CHRM2: variants seen among roughly 807,000 people sequenced by gnomAD.
CHRM2 encodes cholinergic receptor muscarinic 2, also known as muscarinic acetylcholine receptor M2.
A neutral mutation model predicts 25.0 loss-of-function variants in CHRM2; 8 were observed. That is an observed-to-expected ratio of 0.32 (90% CI 0.19 to 0.58). The LOEUF is 0.58. Among genes scored for constraint, CHRM2 ranks in the 20% least tolerant of loss-of-function variants. CHRM2 has a pLI of 0.88. For missense variants in CHRM2, 440 were observed against 567.1 expected (o/e 0.78, Z 2.28); for synonymous variants, 202 against 205.7 (o/e 0.98, Z 0.15).
chr7:136,893,023 T>A (rs896007204), intron 2 of CHRM2, among the ~76,000 whole-genome samples: 1 of 152,156 alleles, frequency 6.6e-6, no homozygotes, highest in Non-Finnish European at 1.5e-5. Flanking sequence ...CTCTCTTCTC[T>A]TGTTCTCTCT....
At chr7:136,954,762 T>C (rs1800621190) in intron 2 of CHRM2, among the ~76,000 whole-genome samples, 1 of 152,182 alleles carries the variant, frequency 6.6e-6, no homozygotes, top group Admixed American at 6.5e-5. Flanking sequence ...CATGGATTCT[T>C]CCATCCTCGT....
intron 2 of CHRM2, among the ~76,000 whole-genome samples, chr7:136,894,938 T>C (rs1053549208): frequency 6.6e-6 from 1 of 152,156 alleles, no homozygotes; most frequent in Non-Finnish European, 1.5e-5. Flanking sequence ...GCACTTCAGC[T>C]TGCTTAAGAG....
At chr7:137,004,107 C>T (rs1804256859) in intron 3 of CHRM2, among the ~76,000 whole-genome samples, 1 of 152,096 alleles carries the variant, frequency 6.6e-6, no homozygotes. Flanking sequence ...AAGGAAAAAC[C>T]ACACTGCCTA....
chr7:136,909,806 T>C (rs894498953), intron 2 of CHRM2, among the ~76,000 whole-genome samples: 2 of 151,960 alleles, frequency 1.3e-5, no homozygotes, highest in African/African-American at 4.8e-5. Context: ...CACAAATTTA[T>C]ATAAATATGC....
chr7:136,909,885 T>G (rs1207894922), intron 2 of CHRM2, among the ~76,000 whole-genome samples: 1 of 151,938 alleles, frequency 6.6e-6, no homozygotes, highest in Non-Finnish European at 1.5e-5. Flanking sequence ...TAAAATCATC[T>G]CGTACTAGTT....
intron 2 of CHRM2, among the ~76,000 whole-genome samples, chr7:136,986,803 T>C (rs1401369246): frequency 6.6e-6 from 1 of 152,216 alleles, no homozygotes; most frequent in Non-Finnish European, 1.5e-5. Flanking sequence ...TCCTTGTCTA[T>C]AGGGACCGTT....
intron 3 of CHRM2, among the ~76,000 whole-genome samples, chr7:137,009,575 A>G (rs543530476): frequency 1.2e-4 from 19 of 152,044 alleles, no homozygotes; most frequent in Non-Finnish European, 2.5e-4. Context: ...GGACTTAGTC[A>G]TATCAGGTCA....
At chr7:136,882,636 A>AAAC (rs1796309905) in intron 2 of CHRM2, among the ~76,000 whole-genome samples, 1 of 152,130 alleles carries the variant, frequency 6.6e-6, no homozygotes, top group Non-Finnish European at 1.5e-5. Context: ...TAGCTCAAAG[A>AAAC]AACTCTTTCT....
chr7:137,002,597 T>C (rs1041989949), intron 3 of CHRM2, among the ~76,000 whole-genome samples: 1 of 152,198 alleles, frequency 6.6e-6, no homozygotes, highest in Non-Finnish European at 1.5e-5. Context: ...AAGTTTTAAA[T>C]TGACATTTCT....
At chr7:136,896,451 G>C (rs971007108) in intron 2 of CHRM2, among the ~76,000 whole-genome samples, 2 of 152,084 alleles carry the variant, frequency 1.3e-5, no homozygotes, top group East Asian at 3.9e-4. Flanking sequence ...ATTTTTTCTA[G>C]GTGGAATGTA....
intron 2 of CHRM2, among the ~76,000 whole-genome samples, chr7:136,918,333 G>A (rs1032703418): frequency 1.3e-5 from 2 of 151,998 alleles, no homozygotes; most frequent in African/African-American, 2.4e-5. Context: ...ATGAAATTGT[G>A]ACTTAAAATT....
intron 3 of CHRM2, among the ~76,000 whole-genome samples, chr7:137,008,091 G>C (rs930180296): frequency 6.6e-6 from 1 of 151,944 alleles, no homozygotes; most frequent in Non-Finnish European, 1.5e-5. Context: ...AATATAGCTG[G>C]AATGTCATTC....
rs1303596283 is a variant in CHRM2, at chr7:137,018,625, C to G, written c.*2359C>G. ...GATTCAGGGTCTTTTTTTGTTTGCT[C>G]TAATAATCCAACGCACCATGAATCA... On this transcript the variant is annotated 3_prime_UTR_variant, in exon 4 of 4. Coordinates refer to ENST00000680005, the MANE Select transcript of CHRM2 (RefSeq NM_001006630.2). 6.6e-6 allele frequency: 1 copy of G among 151,736 alleles called. No homozygotes were observed. The highest frequency in any genetic ancestry group is 1.5e-5 in the Non-Finnish European group (1 of 67,860). The allele number at this position is 151,736 out of a possible 1,614,324, so 9.4% of individuals were successfully genotyped here.
chr7:137,019,185 GC>G lies in CHRM2; in HGVS notation c.*2920del, dbSNP rs1275274558. ...CTCTTATTAGTGGGAAAATAACCCTGCATTATTTTTAGAATATCAATGCAAA... is the reference window on the plus strand; with the variant it reads ...CTCTTATTAGTGGGAAAATAACCCTGATTATTTTTAGAATATCAATGCAAA... On this transcript the variant is annotated 3_prime_UTR_variant, in exon 4 of 4. Coordinates refer to ENST00000680005, the MANE Select transcript of CHRM2 (RefSeq NM_001006630.2). 6.6e-6 allele frequency: 1 copy of G among 151,828 alleles called. No homozygotes were observed. The allele number at this position is 151,828 out of a possible 1,614,324, so 9.4% of individuals were successfully genotyped here. A position where few individuals can be genotyped will look rare whatever the true frequency, so the allele number is the denominator to read the frequency against.
At chr7:136,925,628 A>C (rs540340888) in intron 2 of CHRM2, among the ~76,000 whole-genome samples, 1 of 152,222 alleles carries the variant, frequency 6.6e-6, no homozygotes, top group Non-Finnish European at 1.5e-5. Context: ...CATGTAAGTA[A>C]GAGAGGATCC....
intron 2 of CHRM2, among the ~76,000 whole-genome samples, chr7:136,950,771 T>C (rs1425078275): frequency 6.6e-6 from 1 of 151,688 alleles, no homozygotes; most frequent in Non-Finnish European, 1.5e-5. Context: ...CAGAATAGCA[T>C]GAACCCCCAA....
intron 2 of CHRM2, among the ~76,000 whole-genome samples, chr7:136,986,269 A>G (rs959983693): frequency 1.3e-5 from 2 of 152,186 alleles, no homozygotes; most frequent in East Asian, 1.9e-4. Context: ...TTAAATAAGT[A>G]TTCATCATCT....
chr7:137,015,419 C>T lies in CHRM2; in HGVS notation c.554C>T (p.Ala185Val). 6.2e-7 allele frequency: 1 copy of T among 1,613,458 alleles called. No individual in the cohort carries two copies. The highest frequency in any genetic ancestry group is 8.5e-7 in the Non-Finnish European group (1 of 1,179,642). ...ECYIQFFSNAAVTFGTAIAAF... is the reference protein window; with the variant it reads ...ECYIQFFSNAVVTFGTAIAAF... ...TACATTCAGTTTTTTTCCAATGCTG[C>T]TGTCACCTTTGGTACGGCTATTGCA... Residue 185 changes from alanine (A) to valine (V), a missense_variant, in exon 4 of 4, where the codon GCT (alanine) becomes GTT (valine). Physicochemically the swap from Ala to Val is moderately conservative, Grantham distance 64. Around this residue, in one of 5 missense-constraint regions of CHRM2, gnomAD observed 261 missense variants for 261.8 expected, o/e 1.00. Coordinates refer to ENST00000680005, the MANE Select transcript of CHRM2 (RefSeq NM_001006630.2). This position sits in a 1 kb window ranked among gnomAD's most constrained non-coding sequence, Gnocchi z 5.1.
At chr7:136,882,853 A>C (rs1359285368) in intron 2 of CHRM2, among the ~76,000 whole-genome samples, 1 of 152,140 alleles carries the variant, frequency 6.6e-6, no homozygotes, top group Admixed American at 6.6e-5. Context: ...TGCATATTAT[A>C]TATGTTAAAA....
Sources: gnomAD v4.1 joint callset for allele counts (sites outside exome capture counted in the v4.1 genomes callset) on GRCh38, gnomAD v4.1.1 for gene constraint, gnomAD v4.1.1 regional missense constraint, Gnocchi (gnomAD v3.1) non-coding constraint, MANE v1.5 for transcripts, NCBI Gene and HGNC (gene_info 2026-07-23, HGNC 2026-07-21) for gene names.